DIAPH2: variants seen among roughly 807,000 people sequenced by gnomAD.
DIAPH2 encodes diaphanous related formin 2.
In DIAPH2, 35 loss-of-function variants were observed where a neutral mutation model predicts 92.7. The ratio of observed to expected loss-of-function variants is 0.38; its 90% CI spans 0.29 to 0.50. The LOEUF (loss-of-function observed/expected upper bound fraction) is 0.50. Among genes scored for constraint, DIAPH2 ranks in the 20% least tolerant of loss-of-function variants. The pLI, the probability that DIAPH2 is intolerant of heterozygous loss-of-function variation, is 0.94. For synonymous variants in DIAPH2, 301 were observed against 280.4 expected, an observed-to-expected ratio of 1.07 and a Z score of -0.73; for missense variants, 701 against 819.5, an observed-to-expected ratio of 0.86 and a Z score of 1.77.
At chrX:97,184,638 G>A (rs1397847718) in intron 22 of DIAPH2, among the ~76,000 whole-genome samples, 4 of 111,272 alleles carry the variant, frequency 3.6e-5, no homozygotes, top group African/African-American at 1.3e-4. Flanking sequence ...AGCATATATG[G>A]CTCAGTGAGA....
At chrX:96,720,377 A>G (rs2063982123) in intron 1 of DIAPH2, among the ~76,000 whole-genome samples, 1 of 111,449 alleles carries the variant, frequency 9.0e-6, no homozygotes, top group Admixed American at 9.6e-5. Flanking sequence ...GAATTTTGGT[A>G]CTAACAAGAA....
chrX:96,983,253 T>C (rs2066009292), intron 17 of DIAPH2, among the ~76,000 whole-genome samples: 1 of 111,386 alleles, frequency 9.0e-6, no homozygotes, highest in East Asian at 2.8e-4. Flanking sequence ...TTCCTGTAAC[T>C]AGTGACACTT....
intron 17 of DIAPH2, among the ~76,000 whole-genome samples, chrX:96,967,030 T>A (rs944385494): frequency 1.8e-5 from 2 of 112,161 alleles, no homozygotes; most frequent in Admixed American, 9.5e-5. Flanking sequence ...ACTTTCATTT[T>A]AAAAAATAAT....
intron 26 of DIAPH2, among the ~76,000 whole-genome samples, chrX:97,547,807 A>G (rs1234332775): frequency 8.9e-6 from 1 of 112,358 alleles, no homozygotes; most frequent in Non-Finnish European, 1.9e-5. Flanking sequence ...TGAAGAAATC[A>G]AGGCCCAGAG....
intron 23 of DIAPH2, among the ~76,000 whole-genome samples, chrX:97,308,880 G>A (rs777553127): frequency 4.8e-5 from 5 of 104,751 alleles, no homozygotes; most frequent in East Asian, 3.3e-4. Flanking sequence ...TTAGCTGGGC[G>A]TGGTGGTGCA....
Position 96,933,770 on chromosome X carries a change from A to ATT in DIAPH2, c.1089+2945_1089+2946dup, listed in dbSNP as rs757624722. 4.3e-3 allele frequency among the ~76,000 whole-genome samples: 334 copies of ATT among 77,774 alleles called. 5 individuals are homozygous for ATT. The highest frequency in any genetic ancestry group is 0.016 in the African/African-American group (328 of 21,063). 67.5% of individuals were successfully genotyped at this position (77,774 alleles called of 115,157 possible). On this transcript the variant is annotated intron_variant, in intron 10 of 26. Transcript: ENST00000324765. ...AGGTGCGCGCCATCATGCCCGGCTA[A>ATT]TTTTTTTTTTTTTTTTTTTGCATTT...
At chrX:97,553,211 C>T (rs1464788982) in intron 26 of DIAPH2, among the ~76,000 whole-genome samples, 1 of 111,960 alleles carries the variant, frequency 8.9e-6, no homozygotes, top group Non-Finnish European at 1.9e-5. Context: ...TCCCTTACAC[C>T]TGCATCAGCT....
intron 17 of DIAPH2, among the ~76,000 whole-genome samples, chrX:96,968,960 T>C (rs2065910655): frequency 8.9e-6 from 1 of 112,645 alleles, no homozygotes; most frequent in African/African-American, 3.2e-5. Context: ...GCTATCACAG[T>C]GCCATTTATT....
intron 4 of DIAPH2, among the ~76,000 whole-genome samples, chrX:96,815,461 T>C (rs777194013): frequency 4.5e-5 from 5 of 111,769 alleles, no homozygotes; most frequent in African/African-American, 1.3e-4. Flanking sequence ...GAATTGGAAA[T>C]CCCCCTACCC....
At chrX:97,405,422 C>G (rs1452010052) in intron 25 of DIAPH2, among the ~76,000 whole-genome samples, 3 of 111,522 alleles carry the variant, frequency 2.7e-5, no homozygotes, top group African/African-American at 9.8e-5. Flanking sequence ...GACAACATCT[C>G]CATGGTGAAG....
chrX:97,380,194 A>G (rs1191724258), intron 24 of DIAPH2, among the ~76,000 whole-genome samples: 2 of 111,346 alleles, frequency 1.8e-5, no homozygotes, highest in Admixed American at 9.6e-5. Flanking sequence ...ACCAACCCTT[A>G]ACAGATATGC....
intron 4 of DIAPH2, among the ~76,000 whole-genome samples, chrX:96,786,928 A>C (rs1357777713): frequency 1.8e-5 from 2 of 112,140 alleles, no homozygotes; most frequent in Non-Finnish European, 3.8e-5. Context: ...ACTTTATATT[A>C]TGTACCGTGA....
chrX:96,967,181 C>T (rs184114284), intron 17 of DIAPH2, among the ~76,000 whole-genome samples: 1 of 110,708 alleles, frequency 9.0e-6, no homozygotes, highest in East Asian at 2.9e-4. Context: ...GTTTTTTAAT[C>T]CTTGCCCTCT....
intron 26 of DIAPH2, among the ~76,000 whole-genome samples, chrX:97,474,341 T>G (rs983566173): frequency 4.4e-5 from 5 of 113,034 alleles, no homozygotes; most frequent in Middle Eastern, 9.2e-3. Flanking sequence ...GAGAACAGAT[T>G]ATTTTTATCT....
intron 26 of DIAPH2, among the ~76,000 whole-genome samples, chrX:97,591,571 G>A (rs1415115038): frequency 8.9e-6 from 1 of 112,026 alleles, no homozygotes; most frequent in East Asian, 2.8e-4. Context: ...TTAATCAACA[G>A]ACAAGTTTCT....
At chrX:97,464,283 A>AAC (rs1284643246) in intron 26 of DIAPH2, among the ~76,000 whole-genome samples, 2 of 79,509 alleles carry the variant, frequency 2.5e-5, no homozygotes, top group Admixed American at 3.5e-4. Context: ...AACACGGTGA[A>AAC]ACCCCATCTC....
chrX:97,309,925 C>A (rs1252771615), intron 23 of DIAPH2, among the ~76,000 whole-genome samples: 1 of 112,130 alleles, frequency 8.9e-6, no homozygotes, highest in Non-Finnish European at 1.9e-5. Context: ...CTAATCTTGA[C>A]ATAACAAGAA....
chrX:96,722,627 A>T (rs1011399868), intron 1 of DIAPH2, among the ~76,000 whole-genome samples: 2 of 111,945 alleles, frequency 1.8e-5, no homozygotes, highest in Non-Finnish European at 3.8e-5. Context: ...AAACAACATA[A>T]GGCCAATATA....
chrX:97,550,307 C>T (rs866671708), intron 26 of DIAPH2, among the ~76,000 whole-genome samples: 5 of 111,968 alleles, frequency 4.5e-5, no homozygotes, highest in Admixed American at 1.9e-4. Context: ...TACAGTGGGC[C>T]GGGATCCTGC....
Sources: gnomAD v4.1 joint callset for allele counts (sites outside exome capture counted in the v4.1 genomes callset) on GRCh38, gnomAD v4.1.1 for gene constraint, MANE v1.5 for transcripts, NCBI Gene and HGNC (gene_info 2026-07-23, HGNC 2026-07-21) for gene names.